CADPS2: variants seen among roughly 807,000 people sequenced by gnomAD.
CADPS2 encodes calcium-dependent secretion activator 2.
In CADPS2, 93 loss-of-function variants were observed where a neutral mutation model predicts 172.5. The observed-to-expected ratio is 0.54, with a 90% CI of 0.46 to 0.64. The LOEUF (loss-of-function observed/expected upper bound fraction) is 0.64, where lower values mean the gene tolerates loss of function less well. Ranked by LOEUF, CADPS2 falls within the 30% of genes least tolerant of loss-of-function variation. CADPS2 has a pLI of 0.00. For synonymous variants in CADPS2, 546 were observed against 555.2 expected (o/e 0.98, Z 0.23); for missense variants, 1,420 against 1,565.9 (o/e 0.91, Z 1.57).
At chr7:122,801,008 AG>A (rs67149486) in intron 1 of CADPS2, among the ~76,000 whole-genome samples, 6,355 of 104,062 alleles carry the variant, frequency 0.061, 201 homozygotes, top group African/African-American at 0.088. Context: ...AAAAAAAAAA[AG>A]AAAATTCAAG....
At chr7:122,342,068 T>A (rs1046840304) in intron 28 of CADPS2, among the ~76,000 whole-genome samples, 16 of 152,220 alleles carry the variant, frequency 1.1e-4, no homozygotes, top group African/African-American at 3.9e-4. Flanking sequence ...AGGATACTTT[T>A]AATTTTAATA....
chr7:122,645,393 GTATATATGTACATATACACACA>G (rs2078289445), intron 3 of CADPS2, among the ~76,000 whole-genome samples: 20 of 54,822 alleles, frequency 3.6e-4, no homozygotes, highest in South Asian at 1.7e-3. Flanking sequence ...ACATGTGTGT[GTATATATGTACATATACACACA>G]TGTATATGTG....
Position 122,514,068 on chromosome 7 carries a change from T to G in CADPS2, c.1476-753A>C, listed in dbSNP as rs564271530. Among the ~76,000 whole-genome samples, 6 of 152,260 alleles carry G rather than the reference T, an allele frequency of 3.9e-5. No homozygotes were observed. The South Asian group carries it at 1.2e-3, about 32-fold the overall frequency. ...ATTCTTACTGAATATACAAATGATA[T>G]ACTGAAATATCAGGGAGGAAAAAGA... On this transcript the variant is annotated intron_variant, in intron 8 of 29. Coordinates refer to ENST00000449022, the MANE Select transcript of CADPS2 (RefSeq NM_017954.11).
chr7:122,797,681 C>CAA (rs3993669), intron 1 of CADPS2, among the ~76,000 whole-genome samples: 1 of 151,778 alleles, frequency 6.6e-6, no homozygotes, highest in African/African-American at 2.4e-5. Context: ...ATGATGGACA[C>CAA]AGACGGGAAC....
At chr7:122,850,753 T>C (rs1813348563) in intron 1 of CADPS2, among the ~76,000 whole-genome samples, 2 of 152,206 alleles carry the variant, frequency 1.3e-5, no homozygotes, top group East Asian at 3.9e-4. Flanking sequence ...AAAGCCTTAT[T>C]ATCAAGTGTC....
intron 1 of CADPS2, among the ~76,000 whole-genome samples, chr7:122,752,459 G>A (rs1376880712): frequency 6.6e-6 from 1 of 152,070 alleles, no homozygotes; most frequent in Non-Finnish European, 1.5e-5. Flanking sequence ...AACCTCAATT[G>A]AGAAATTAAA....
intron 11 of CADPS2, among the ~76,000 whole-genome samples, chr7:122,488,431 C>G (rs1331984311): frequency 6.6e-6 from 1 of 152,204 alleles, no homozygotes; most frequent in African/African-American, 2.4e-5. Flanking sequence ...GAATACCCAA[C>G]AAGTTACTAT....
intron 8 of CADPS2, among the ~76,000 whole-genome samples, chr7:122,547,662 C>G (rs1052139060): frequency 1.3e-5 from 2 of 152,054 alleles, no homozygotes; most frequent in African/African-American, 4.8e-5. Context: ...GCAAATTACA[C>G]CATGGCAATA....
chr7:122,794,806 A>G (rs1005572091), intron 1 of CADPS2, among the ~76,000 whole-genome samples: 2 of 152,096 alleles, frequency 1.3e-5, no homozygotes, highest in Non-Finnish European at 2.9e-5. Context: ...GGAAATCAAG[A>G]CTAAGAAATT....
rs2091197422 is a variant in CADPS2, at chr7:122,727,198, C to T, written c.453+9757G>A. 2.0e-5 allele frequency among the ~76,000 whole-genome samples: 3 copies of T among 151,834 alleles called. No individual in the cohort carries two copies. In the South Asian group the frequency reaches 6.2e-4, roughly 32 times the overall value. On this transcript the variant is annotated intron_variant, in intron 2 of 29. Coordinates refer to ENST00000449022, the MANE Select transcript of CADPS2 (RefSeq NM_017954.11). ...GTAAATTCTTTCTGAACTGGGGTGC[C>T]AGTTTAAAGTATTAAGACTATGGCA...
intron 12 of CADPS2, among the ~76,000 whole-genome samples, chr7:122,476,729 T>C (rs1226579474): frequency 6.6e-6 from 1 of 152,092 alleles, no homozygotes; most frequent in Non-Finnish European, 1.5e-5. Context: ...TCAACAACCT[T>C]CAATTTCTCC....
intron 29 of CADPS2, among the ~76,000 whole-genome samples, chr7:122,323,456 G>A (rs369602341): frequency 6.6e-6 from 1 of 151,908 alleles, no homozygotes; most frequent in African/African-American, 2.4e-5. Flanking sequence ...ATATTCACTA[G>A]TGAGAATACT....
Position 122,621,512 on chromosome 7 carries a change from T to C in CADPS2, c.1073A>G (p.Lys358Arg). The C allele has an allele frequency of 6.2e-7, 1 of 1,613,672 alleles. No individual in the cohort carries two copies. The highest frequency in any genetic ancestry group is 1.1e-5 in the South Asian group (1 of 91,076). ...GGTGAATGACAGTACCACGTCGGAC[T>C]TTGACAGCTGAATCTCATTCTCATC... Reference protein sequence around the residue: ...IGDENEIQLSKSDVVLSFTLE... With the variant: ...IGDENEIQLSRSDVVLSFTLE... The change falls in exon 5 of 30, where the codon AAG becomes AGG. Residue 358 changes from lysine (K) to arginine (R), a missense_variant. Physicochemically the swap from Lys to Arg is conservative, Grantham distance 26. Coordinates refer to ENST00000449022, the MANE Select transcript of CADPS2 (RefSeq NM_017954.11).
chr7:122,798,276 T>C (rs1322372294), intron 1 of CADPS2, among the ~76,000 whole-genome samples: 1 of 152,140 alleles, frequency 6.6e-6, no homozygotes, highest in East Asian at 1.9e-4. Flanking sequence ...TCAATACTTG[T>C]CCAGGGCTGC....
At chr7:122,837,959 T>C (rs185541983) in intron 1 of CADPS2, among the ~76,000 whole-genome samples, 1 of 152,044 alleles carries the variant, frequency 6.6e-6, no homozygotes, top group Non-Finnish European at 1.5e-5. Flanking sequence ...TACCAAAGCC[T>C]GGCAGAGACA....
intron 3 of CADPS2, among the ~76,000 whole-genome samples, chr7:122,651,979 C>T (rs1381977831): frequency 6.6e-6 from 1 of 152,140 alleles, no homozygotes; most frequent in Non-Finnish European, 1.5e-5. Flanking sequence ...CCTGCTCATA[C>T]TCCAGTAGTC....
chr7:122,522,868 T>A (rs537368862), intron 8 of CADPS2, among the ~76,000 whole-genome samples: 18 of 152,280 alleles, frequency 1.2e-4, no homozygotes, highest in African/African-American at 4.3e-4. Flanking sequence ...TATAATAACC[T>A]CCAGTTTCAC....
intron 29 of CADPS2, among the ~76,000 whole-genome samples, chr7:122,323,782 G>A (rs1056489548): frequency 1.3e-5 from 2 of 150,016 alleles, no homozygotes; most frequent in East Asian, 3.9e-4. Flanking sequence ...TTTATCATAA[G>A]GATAAACAGC....
intron 1 of CADPS2, among the ~76,000 whole-genome samples, chr7:122,872,511 G>A (rs1820026785): frequency 6.6e-6 from 1 of 151,982 alleles, no homozygotes; most frequent in Admixed American, 6.6e-5. Flanking sequence ...ACTTACTACT[G>A]CTTGAGAATA....
Sources: gnomAD v4.1 joint callset for allele counts (sites outside exome capture counted in the v4.1 genomes callset) on GRCh38, gnomAD v4.1.1 for gene constraint, MANE v1.5 for transcripts, NCBI Gene and HGNC (gene_info 2026-07-23, HGNC 2026-07-21) for gene names.